SLIT3: variants seen among roughly 807,000 people sequenced by gnomAD.
SLIT3 encodes the protein slit homolog 3 protein.
In SLIT3, 68 loss-of-function variants were observed where a neutral mutation model predicts 184.0. The observed-to-expected ratio is 0.37, with a 90% CI of 0.30 to 0.45. The LOEUF (loss-of-function observed/expected upper bound fraction) is 0.45, where lower values mean the gene tolerates loss of function less well. Ranked by LOEUF, SLIT3 falls within the 20% of genes least tolerant of loss-of-function variation. The pLI is 1.00. For synonymous variants in SLIT3, 831 were observed against 828.6 expected (o/e 1.00, Z -0.05); for missense variants, 1,707 against 2,026.0 (o/e 0.84, Z 3.02).
At chr5:168,783,417 A>T (rs1756042059) in intron 12 of SLIT3, among the ~76,000 whole-genome samples, 1 of 152,026 alleles carries the variant, frequency 6.6e-6, no homozygotes, top group African/African-American at 2.4e-5. Context: ...AAAAGTCCAG[A>T]GGAGTGGGGG....
At chr5:169,005,170 A>G (rs1755870290) in intron 4 of SLIT3, among the ~76,000 whole-genome samples, 1 of 152,248 alleles carries the variant, frequency 6.6e-6, no homozygotes, top group East Asian at 1.9e-4. Flanking sequence ...ACTATGGAAC[A>G]GTGTAAGCAT....
chr5:168,934,895 C>T (rs942940412), intron 4 of SLIT3, among the ~76,000 whole-genome samples: 2 of 150,730 alleles, frequency 1.3e-5, no homozygotes, highest in Admixed American at 6.6e-5. Context: ...TTTGGGAGGC[C>T]GAGATGGGCG....
chr5:168,932,105 T>A lies in SLIT3; in HGVS notation c.414-48769A>T, dbSNP rs189479023. Among the ~76,000 whole-genome samples, 109 of 152,222 alleles carry A rather than the reference T, an allele frequency of 7.2e-4. 2 individuals are homozygous for A. In the Middle Eastern group the frequency reaches 0.014, roughly 19 times the overall value. The stretch of plus-strand genomic sequence containing the variant: ...ATCACTAAGAACCACAGGCTCTTCA[T>A]AAGATGGAGGCTGCCCACCGCAGAG... On this transcript the variant is annotated intron_variant, in intron 4 of 35. Coordinates refer to ENST00000519560, the MANE Select transcript of SLIT3 (RefSeq NM_003062.4).
chr5:169,288,701 C>A (rs1443566537), intron 1 of SLIT3, among the ~76,000 whole-genome samples: 1 of 152,058 alleles, frequency 6.6e-6, no homozygotes, highest in East Asian at 2.0e-4. Flanking sequence ...CATGGATTCC[C>A]TTATTTGGTC....
At chr5:169,197,936 G>A (rs115361085) in intron 3 of SLIT3, among the ~76,000 whole-genome samples, 1 of 152,218 alleles carries the variant, frequency 6.6e-6, no homozygotes, top group African/African-American at 2.4e-5. Flanking sequence ...GATGTACCTG[G>A]GTGTAAGATA....
chr5:168,758,621 C>T (rs59184313), intron 16 of SLIT3, among the ~76,000 whole-genome samples: 1,933 of 152,302 alleles, frequency 0.013, 46 homozygotes, highest in African/African-American at 0.044. Context: ...GGCCCCCCAA[C>T]GTGCTCTCCA....
chr5:168,924,327 A>G (rs1761736767), intron 4 of SLIT3, among the ~76,000 whole-genome samples: 1 of 151,768 alleles, frequency 6.6e-6, no homozygotes, highest in Non-Finnish European at 1.5e-5. Flanking sequence ...TCCTCTTCCC[A>G]TGTCCTGCTT....
intron 4 of SLIT3, among the ~76,000 whole-genome samples, chr5:168,991,386 A>AG (rs1755321502): frequency 6.6e-6 from 1 of 152,370 alleles, no homozygotes; most frequent in South Asian, 2.1e-4. Flanking sequence ...AGCATGGGGC[A>AG]GTCACCTGCC....
At chr5:169,004,099 G>A (rs1283698260) in intron 4 of SLIT3, among the ~76,000 whole-genome samples, 3 of 152,026 alleles carry the variant, frequency 2.0e-5, no homozygotes, top group Non-Finnish European at 2.9e-5. Context: ...TTCTTCATGG[G>A]TGCTGTTCCT....
chr5:168,734,210 T>C (rs764915361), intron 20 of SLIT3, among the ~76,000 whole-genome samples: 63 of 152,338 alleles, frequency 4.1e-4, no homozygotes, highest in Middle Eastern at 3.4e-3. Flanking sequence ...TAGATATTAA[T>C]TGCATTTACA....
intron 5 of SLIT3, among the ~76,000 whole-genome samples, chr5:168,852,566 G>A (rs1051389314): frequency 1.3e-5 from 2 of 152,222 alleles, no homozygotes; most frequent in Non-Finnish European, 2.9e-5. Context: ...AGTGCTCCCT[G>A]ACAGTGCACT....
At chr5:168,743,197 A>G (rs962511062) in intron 20 of SLIT3, among the ~76,000 whole-genome samples, 1 of 151,974 alleles carries the variant, frequency 6.6e-6, no homozygotes, top group South Asian at 2.1e-4. Flanking sequence ...GGTACTGCGT[A>G]CCTTGTTTTA....
intron 1 of SLIT3, among the ~76,000 whole-genome samples, chr5:169,276,727 G>T (rs1057194098): frequency 1.4e-4 from 21 of 152,302 alleles, no homozygotes; most frequent in African/African-American, 5.1e-4. Context: ...CAAATAGAAT[G>T]ATTATGTTCC....
rs879340120 is a variant in SLIT3 at position 169,051,286 on chromosome 5, C to CT, written c.413+142192dup. ...ACTGCCATTTTTAAACATTTCTAGCCTTTTTTTTTTTCCCCTCTACAAGAT... is the reference window on the plus strand; with the variant it reads ...ACTGCCATTTTTAAACATTTCTAGCCTTTTTTTTTTTTCCCCTCTACAAGAT... On this transcript the variant is annotated intron_variant, in intron 4 of 35. Transcript: ENST00000519560. Among the ~76,000 whole-genome samples, 1,455 of 146,576 alleles carry CT rather than the reference C, an allele frequency of 9.9e-3. 12 individuals are homozygous for CT. Among genetic ancestry groups the CT allele is most frequent in the South Asian group, 0.022 (100 of 4,602 alleles).
intron 1 of SLIT3, among the ~76,000 whole-genome samples, chr5:169,278,630 AC>A (rs1182882883): frequency 6.6e-6 from 1 of 151,910 alleles, no homozygotes; most frequent in Non-Finnish European, 1.5e-5. Flanking sequence ...ACTTCCTCTG[AC>A]CCCCCAAGGT....
chr5:168,765,648 A>G (rs755675537), intron 14 of SLIT3, among the ~76,000 whole-genome samples: 2 of 152,214 alleles, frequency 1.3e-5, no homozygotes, highest in Non-Finnish European at 2.9e-5. Context: ...AGTCAATTTC[A>G]ATCTCAGTGC....
intron 1 of SLIT3, among the ~76,000 whole-genome samples, chr5:169,291,910 AG>A (rs1387800924): frequency 6.6e-6 from 1 of 152,232 alleles, no homozygotes; most frequent in Non-Finnish European, 1.5e-5. Flanking sequence ...AAATGCAGAC[AG>A]TCCTGCCTAC....
chr5:169,062,821 C>T (rs746826266), intron 4 of SLIT3, among the ~76,000 whole-genome samples: 3 of 152,300 alleles, frequency 2.0e-5, no homozygotes, highest in African/African-American at 4.8e-5. Flanking sequence ...CATGTTCCTT[C>T]CCTGCCTTTC....
At chr5:169,283,295 C>T (rs1007752201) in intron 1 of SLIT3, among the ~76,000 whole-genome samples, 3 of 152,206 alleles carry the variant, frequency 2.0e-5, no homozygotes, top group African/African-American at 4.8e-5. Flanking sequence ...CTCCTGGATT[C>T]AATGAGCATC....
Sources: gnomAD v4.1 joint callset for allele counts (sites outside exome capture counted in the v4.1 genomes callset) on GRCh38, gnomAD v4.1.1 for gene constraint, MANE v1.5 for transcripts, NCBI Gene and HGNC (gene_info 2026-07-23, HGNC 2026-07-21) for gene names.